The following ATM variants were observed in gnomAD, a reference collection of about 807,000 sequenced individuals.
ATM encodes the protein serine-protein kinase ATM.
ATM carries 308 observed loss-of-function variants against 387.0 expected under a neutral mutation model. The observed-to-expected ratio is 0.80, with a 90% CI of 0.73 to 0.87. ATM has a LOEUF of 0.87. ATM is among the 40% of genes least tolerant of loss of function. The probability of loss-of-function intolerance (pLI) is 0.00; values close to 1 mark genes in which losing one functional copy is unlikely to be tolerated. For missense variants in ATM, 3,312 were observed against 3,560.9 expected (o/e 0.93, Z 1.78); for synonymous variants, 1,156 against 1,187.3 (o/e 0.97, Z 0.54).
chr11:108,275,455 G>A (rs2081889182), intron 22 of ATM, among the ~76,000 whole-genome samples: 1 of 152,142 alleles, frequency 6.6e-6, no homozygotes. Flanking sequence ...TCTTCATAGT[G>A]TCAATGGTCT....
At chr11:108,240,329 T>G (rs1460823513) in intron 5 of ATM, among the ~76,000 whole-genome samples, 3 of 152,228 alleles carry the variant, frequency 2.0e-5, no homozygotes, top group Non-Finnish European at 4.4e-5. Flanking sequence ...CTCTTCCTTC[T>G]TGTAAACTGT....
In ATM at chr11:108,271,388, C is replaced by T. The variant is rs186626274; in HGVS notation, c.3059C>T (p.Thr1020Ile). ...NTRDAQGQFLTVIGAFWHLTK... is the reference protein window; with the variant it reads ...NTRDAQGQFLIVIGAFWHLTK... ...AGGGATGCTCAAGGACAGTTTCTTA[C>T]AGTAATTGGAGCATTTTGGTAGGTA... Residue 1020 changes from threonine (T) to isoleucine (I), a missense_variant, in exon 20 of 63, where the codon ACA becomes ATA. Thr to Ile is a moderately conservative substitution (Grantham distance 89). Transcript: ENST00000675843. 9.3e-6 allele frequency: 15 copies of T among 1,614,068 alleles called. No homozygotes were observed. In the East Asian group the frequency reaches 1.3e-4, roughly 14 times the overall value.
At position 108,279,504 on chromosome 11, in the gene ATM, A is replaced by C. The variant is rs2082115524; in HGVS notation, c.3298A>C (p.Thr1100Pro). The C allele has an allele frequency of 2.5e-6, 4 of 1,610,608 alleles. No homozygotes were observed. Among genetic ancestry groups the C allele is most frequent in the Non-Finnish European group, 2.5e-6 (3 of 1,177,750 alleles). Residue 1100 changes from threonine (T) to proline (P), a missense_variant, in exon 23 of 63, where the codon ACG becomes CCG. Physicochemically the swap from Thr to Pro is conservative, Grantham distance 38. Coordinates refer to ENST00000675843, the MANE Select transcript of ATM (RefSeq NM_000051.4). ...AESINRLFQD[T>P]KGDSSRLLKA... ...GCTTGTTTTAAGATTGTTCCAGGAC[A>C]CGAAGGGAGATTCTTCCAGGTTACT...
chr11:108,289,824 T>G, intron 29 of ATM, 23 bp downstream of exon 29: 1 of 1,594,390 alleles, frequency 6.3e-7, no homozygotes. Context: ...TTTAGACCAA[T>G]ATATAAGCAG....
chr11:108,280,972 T>TA (rs2082198829), intron 23 of ATM, 23 bp from the exon 24 acceptor site: 1 of 1,532,916 alleles, frequency 6.5e-7, no homozygotes, highest in Non-Finnish European at 8.8e-7. Context: ...TACATTACAT[T>TA]TTTTTTTTAA....
chr11:108,268,439 C>T lies in ATM; in HGVS notation c.2668C>T (p.Leu890=), dbSNP rs937133424. The change falls in exon 18 of 63, where the codon CTG becomes TTG. Residue 890 remains leucine (L), a synonymous_variant. Coordinates refer to ENST00000675843, the MANE Select transcript of ATM (RefSeq NM_000051.4). ...CATTAATCCTTTAGCTGAAGAATAT[C>T]TGTCAAAGCAAGATCTACTTTTCTT... is the stretch of plus-strand genomic sequence containing the variant. The part of the protein sequence containing the change: ...GAINPLAEEY[L]SKQDLLFLDM... 7 of 1,613,866 alleles carry T rather than the reference C, an allele frequency of 4.3e-6. No homozygotes were observed. Among genetic ancestry groups the T allele is most frequent in the Non-Finnish European group, 5.1e-6 (6 of 1,179,978 alleles).
At chr11:108,334,839 A>T in intron 54 of ATM, 130 bp from the exon 55 acceptor site, 1 of 1,090,270 alleles carries the variant, frequency 9.2e-7, no homozygotes, top group Non-Finnish European at 1.3e-6. Flanking sequence ...CTAAAGTTGT[A>T]GTTCTTAACC....
chr11:108,303,130 C>T (rs1011003021), intron 36 of ATM, 101 bp downstream of exon 36: 27 of 1,182,480 alleles, frequency 2.3e-5, no homozygotes, highest in Admixed American at 1.1e-4. Context: ...ATCACCCCCA[C>T]TCAAACTGTT....
Position 108,330,299 on chromosome 11 carries a change from A to G in ATM, c.7393A>G (p.Lys2465Glu). The G allele has an allele frequency of 1.2e-6, 2 of 1,614,204 alleles. No individual in the cohort carries two copies. Among genetic ancestry groups the G allele is most frequent in the African/African-American group, 1.3e-5 (1 of 75,074 alleles). ...AGAGGATCGTAAACGCTTCTTATGT[A>G]AAGCAGTTGAAAATTATATCAACTG... ...LKEDRKRFLC[K>E]AVENYINCLL... Residue 2465 changes from lysine to glutamate, a missense_variant, in exon 50 of 63, where the codon AAA becomes GAA. Coordinates refer to ENST00000675843, the MANE Select transcript of ATM (RefSeq NM_000051.4).
In ATM at chr11:108,325,320, C is replaced by T. The variant is rs780946471; in HGVS notation, c.6583C>T (p.His2195Tyr). 3 of 1,549,486 alleles carry T rather than the reference C, an allele frequency of 1.9e-6. No individual in the cohort carries two copies. The highest frequency in any genetic ancestry group is 2.6e-6 in the Non-Finnish European group (3 of 1,135,670). ...TGTCGTGGCATTCAGATCAGTCACA[C>T]ATAGACAACTCTCTGAAGTATATAT... The part of the protein sequence containing the change: ...IGELFSRSVT[H>Y]RQLSEVYIKW... Residue 2195 changes from histidine to tyrosine, a missense_variant, in exon 46 of 63, where the codon CAT (histidine) becomes TAT (tyrosine). Physicochemically the swap from His to Tyr is moderately conservative, Grantham distance 83. Transcript: ENST00000675843.
In ATM at chr11:108,262,165, C is replaced by G. The variant is rs2080935670; in HGVS notation, c.2466+3090C>G. 2.6e-5 allele frequency among the ~76,000 whole-genome samples: 4 copies of G among 152,092 alleles called. 1 individual carries two copies. The highest frequency in any genetic ancestry group is 2.6e-4 in the Admixed American group (4 of 15,276). On this transcript the variant is annotated intron_variant, in intron 16 of 62. Transcript: ENST00000675843. ...AAGATACTCCTCGAGAAGAGCAACT[C>G]CAAGACACATAATTGTCAGATTCAC...
chr11:108,292,736 T>C lies in ATM; in HGVS notation c.4554T>C (p.His1518=). The C allele has an allele frequency of 6.2e-7, 1 of 1,614,058 alleles. No homozygotes were observed. Among genetic ancestry groups the C allele is most frequent in the African/African-American group, 1.3e-5 (1 of 75,048 alleles). Residue 1518 remains histidine, a synonymous_variant, in exon 30 of 63, where the codon CAT becomes CAC. Coordinates refer to ENST00000675843, the MANE Select transcript of ATM (RefSeq NM_000051.4). ...YCKDALENHL[H]VIVGTLIPLV... is the part of the protein sequence containing the mutation. ...AGGATGCTCTAGAAAACCATCTTCA[T>C]GTTATTGTTGGTACACTTATACCCC... is the stretch of plus-strand genomic sequence containing the variant.
At chr11:108,317,568 C>G (rs752104231) in intron 43 of ATM, 47 bp downstream of exon 43, 18 of 1,507,898 alleles carry the variant, frequency 1.2e-5, no homozygotes, top group Non-Finnish European at 1.5e-5. Flanking sequence ...TCTCCTCATT[C>G]TAAACAACAA....
intron 61 of ATM, among the ~76,000 whole-genome samples, chr11:108,359,801 G>A (rs892476673): frequency 9.9e-5 from 15 of 152,244 alleles, no homozygotes; most frequent in Non-Finnish European, 2.2e-4. Context: ...AAAGCAGTGT[G>A]TAGAGGGAAA....
chr11:108,353,529 C>G (rs1334177719), intron 59 of ATM, among the ~76,000 whole-genome samples: 5 of 152,090 alleles, frequency 3.3e-5, no homozygotes. Flanking sequence ...CACCCTTTAA[C>G]CTAGATTTCT....
chr11:108,316,874 C>T (rs1305899528), intron 42 of ATM, among the ~76,000 whole-genome samples: 7 of 151,592 alleles, frequency 4.6e-5, no homozygotes, highest in African/African-American at 1.5e-4. Flanking sequence ...TGCAGTGAGC[C>T]GAGATCGCGC....
At chr11:108,263,131 A>G (rs1312766613) in intron 16 of ATM, among the ~76,000 whole-genome samples, 18 of 149,742 alleles carry the variant, frequency 1.2e-4, no homozygotes, top group South Asian at 4.3e-4. Flanking sequence ...TGCACCAAGC[A>G]GACCTAATAG....
chr11:108,329,654 G>A (rs962631053), intron 49 of ATM, among the ~76,000 whole-genome samples: 1 of 152,090 alleles, frequency 6.6e-6, no homozygotes, highest in Non-Finnish European at 1.5e-5. Context: ...CAAACGATCT[G>A]CCCACCTTGG....
intron 31 of ATM, among the ~76,000 whole-genome samples, chr11:108,294,586 A>AAAATT (rs1157319904): frequency 6.6e-6 from 1 of 152,154 alleles, no homozygotes; most frequent in Non-Finnish European, 1.5e-5. Context: ...CTAAAAATAC[A>AAAATT]AAATTAGCTG....
Sources: allele counts gnomAD v4.1 joint callset (sites outside exome capture counted in the v4.1 genomes callset), GRCh38; gene constraint gnomAD v4.1.1; transcripts MANE v1.5; gene names NCBI Gene and HGNC (gene_info 2026-07-23, HGNC 2026-07-21).